Variants in BRINP1 observed in about 807,000 individuals in gnomAD.
The protein encoded by BRINP1 is BMP/retinoic acid inducible neural specific 1, also known as BMP/retinoic acid-inducible neural-specific protein 1.
A neutral mutation model predicts 72.9 loss-of-function variants in BRINP1; 17 were observed. The observed-to-expected ratio is 0.23, with a 90% CI of 0.16 to 0.35. The LOEUF is 0.35. BRINP1 is among the 10% of genes least tolerant of loss of function. The probability of loss-of-function intolerance (pLI) is 1.00; values close to 1 mark genes in which losing one functional copy is unlikely to be tolerated. For missense variants in BRINP1, 850 were observed against 1,001.6 expected (o/e 0.85, Z 2.04); for synonymous variants, 418 against 378.5 (o/e 1.10, Z -1.21).
chr9:119,351,159 CAAG>C (rs1382002207), intron 1 of BRINP1, among the ~76,000 whole-genome samples: 2 of 152,156 alleles, frequency 1.3e-5, no homozygotes, highest in Admixed American at 1.3e-4. Flanking sequence ...TATATCCACA[CAAG>C]TTTATCCACT....
chr9:119,366,917 G>A (rs1041784316), intron 1 of BRINP1, among the ~76,000 whole-genome samples: 1 of 151,754 alleles, frequency 6.6e-6, no homozygotes, highest in Non-Finnish European at 1.5e-5. Context: ...AGTTTCGATC[G>A]TCTGTGAATT....
chr9:119,254,482 A>G (rs1830425849), intron 2 of BRINP1, among the ~76,000 whole-genome samples: 1 of 152,192 alleles, frequency 6.6e-6, no homozygotes, highest in South Asian at 2.1e-4. Context: ...TGTGTTTGAC[A>G]CATTTGGGAA....
intron 3 of BRINP1, 129 bp from the exon 4 acceptor site, chr9:119,242,345 A>T: frequency 1.3e-6 from 1 of 753,520 alleles, no homozygotes; most frequent in Non-Finnish European, 2.1e-6. Context: ...TTCTGCCTCT[A>T]AAAATCAAAG....
intron 2 of BRINP1, among the ~76,000 whole-genome samples, chr9:119,306,099 G>A: frequency 6.6e-6 from 1 of 152,102 alleles, no homozygotes; most frequent in East Asian, 1.9e-4. Context: ...AGAGTGGGTG[G>A]GCAAGTAGGT....
At chr9:119,224,828 A>G (rs1287919954) in intron 5 of BRINP1, among the ~76,000 whole-genome samples, 1 of 152,104 alleles carries the variant, frequency 6.6e-6, no homozygotes, top group African/African-American at 2.4e-5. Context: ...CACATGGACA[A>G]GGCCAATGTC....
At chr9:119,179,802 C>A (rs1299410174) in intron 7 of BRINP1, among the ~76,000 whole-genome samples, 1 of 152,214 alleles carries the variant, frequency 6.6e-6, no homozygotes, top group Non-Finnish European at 1.5e-5. Flanking sequence ...TCCCTGCCCT[C>A]TAAACCCCCA....
chr9:119,192,640 A>T (rs230087), intron 7 of BRINP1, among the ~76,000 whole-genome samples: 48,805 of 151,878 alleles, frequency 0.32, 9,696 homozygotes, highest in African/African-American at 0.57. Context: ...CTTTCTATAC[A>T]GTTGGTAGGA....
At chr9:119,172,236 C>A (rs1365502845) in intron 7 of BRINP1, among the ~76,000 whole-genome samples, 5 of 152,080 alleles carry the variant, frequency 3.3e-5, no homozygotes, top group Admixed American at 1.3e-4. Flanking sequence ...AGACTACTAG[C>A]AAGACTCATA....
At chr9:119,214,696 G>C (rs1451399696) in intron 5 of BRINP1, among the ~76,000 whole-genome samples, 3 of 152,030 alleles carry the variant, frequency 2.0e-5, no homozygotes, top group Admixed American at 6.6e-5. Context: ...ACCTATAGCA[G>C]AGAGAGCCAT....
chr9:119,268,269 TAG>T (rs1830572609), intron 2 of BRINP1, among the ~76,000 whole-genome samples: 2 of 145,158 alleles, frequency 1.4e-5, no homozygotes, highest in Non-Finnish European at 3.0e-5. Flanking sequence ...GATAGATAGA[TAG>T]ATAGATAGAT....
chr9:119,303,296 A>G (rs2118985882), intron 2 of BRINP1, among the ~76,000 whole-genome samples: 1 of 146,178 alleles, frequency 6.8e-6, no homozygotes, highest in South Asian at 2.2e-4. Context: ...ACACAGACAC[A>G]CACACACACA....
At chr9:119,291,078 G>A (rs545871989) in intron 2 of BRINP1, among the ~76,000 whole-genome samples, 58 of 149,644 alleles carry the variant, frequency 3.9e-4, no homozygotes, top group African/African-American at 9.7e-4. Context: ...AGCCGAGATC[G>A]CGCCACTGCA....
intron 2 of BRINP1, among the ~76,000 whole-genome samples, chr9:119,304,191 T>C (rs76939936): frequency 0.041 from 6,169 of 152,260 alleles, 404 homozygotes; most frequent in African/African-American, 0.14. Flanking sequence ...CTAAAGGCTG[T>C]CTTATATTCT....
chr9:119,328,580 G>A (rs1024525043), intron 1 of BRINP1, among the ~76,000 whole-genome samples: 1 of 152,102 alleles, frequency 6.6e-6, no homozygotes, highest in African/African-American at 2.4e-5. Context: ...TCTGGGATAG[G>A]GTGGCCAAAC....
At chr9:119,269,951 C>T (rs138522545) in intron 2 of BRINP1, among the ~76,000 whole-genome samples, 9 of 151,728 alleles carry the variant, frequency 5.9e-5, no homozygotes, top group Middle Eastern at 3.4e-3. Flanking sequence ...AAAAGTGTTA[C>T]GTATTATGGA....
intron 2 of BRINP1, among the ~76,000 whole-genome samples, chr9:119,261,079 G>A (rs948468268): frequency 6.6e-6 from 1 of 152,148 alleles, no homozygotes; most frequent in Admixed American, 6.5e-5. Flanking sequence ...CTTGCTGACT[G>A]TCAGAACTGA....
chr9:119,180,605 T>C (rs1829545408), intron 7 of BRINP1, among the ~76,000 whole-genome samples: 1 of 152,170 alleles, frequency 6.6e-6, no homozygotes, highest in African/African-American at 2.4e-5. Context: ...TCAGAAATGC[T>C]ATGGATGTGC....
intron 1 of BRINP1, among the ~76,000 whole-genome samples, chr9:119,360,213 T>C (rs1375434023): frequency 6.6e-6 from 1 of 152,202 alleles, no homozygotes; most frequent in Non-Finnish European, 1.5e-5. Flanking sequence ...GTCTCCAAAA[T>C]GTGTCCCAGC....
At chr9:119,174,860 C>G (rs1329053712) in intron 7 of BRINP1, among the ~76,000 whole-genome samples, 1 of 150,150 alleles carries the variant, frequency 6.7e-6, no homozygotes, top group African/African-American at 2.5e-5. Flanking sequence ...AGTCAACTAT[C>G]GCAAGAACAA....
Sources: allele counts gnomAD v4.1 joint callset (sites outside exome capture counted in the v4.1 genomes callset), GRCh38; gene constraint gnomAD v4.1.1; transcripts MANE v1.5; gene names NCBI Gene and HGNC (gene_info 2026-07-23, HGNC 2026-07-21).